Variants in DHRS12 observed in about 807,000 individuals in gnomAD.
DHRS12 encodes dehydrogenase/reductase SDR family member 12.
Under a neutral mutation model 32.1 loss-of-function variants are expected in DHRS12, and 29 were observed. That is an observed-to-expected ratio of 0.90 (90% CI 0.67 to 1.23). The LOEUF is 1.23. DHRS12 is among the 50% of genes most tolerant of loss of function. DHRS12 has a pLI of 0.00. For missense variants in DHRS12, 330 were observed against 337.2 expected, an observed-to-expected ratio of 0.98 and a Z score of 0.17; for synonymous variants, 150 against 135.9, an observed-to-expected ratio of 1.10 and a Z score of -0.72.
chr13:51,790,053 T>C lies in DHRS12; in HGVS notation c.259A>G (p.Thr87Ala). The change falls in exon 4 of 9, where the codon ACA (threonine) becomes GCA (alanine). Residue 87 changes from threonine (T) to alanine (A), a missense_variant. Thr to Ala is a moderately conservative substitution (Grantham distance 58, BLOSUM62 0). Transcript: ENST00000444610. ...AGCMVNKREL[T>A]EDGLEKNFAA... ...AAGTTTTTTTCAAGTCCATCTTCTG[T>C]GAGCTCTCTTTTATTGACCATGCAA... The C allele has an allele frequency of 6.2e-7, 1 of 1,604,756 alleles. No individual in the cohort carries two copies. The highest frequency in any genetic ancestry group is 8.5e-7 in the Non-Finnish European group (1 of 1,177,234).
intron 2 of DHRS12, among the ~76,000 whole-genome samples, chr13:51,794,285 G>A (rs1955412151): frequency 6.6e-6 from 1 of 152,168 alleles, no homozygotes; most frequent in Non-Finnish European, 1.5e-5. Context: ...CATCTATAGC[G>A]GCTGTGTGAC....
chr13:51,768,903 A>C (rs1051209126), intron 8 of DHRS12: 2 of 1,382,630 alleles, frequency 1.4e-6, no homozygotes, highest in African/African-American at 1.5e-5. Context: ...CCAAGGTAGG[A>C]ACTGCCTCTC....
downstream of DHRS12, chr13:51,764,328 C>G (rs1953680095): frequency 6.6e-6 from 1 of 152,366 alleles, no homozygotes; most frequent in South Asian, 2.1e-4. Flanking sequence ...TGCCACTAAC[C>G]CAGCAGGTGT....
the DHRS12 span, chr13:51,761,308 A>T: frequency 2.0e-5 from 3 of 152,184 alleles, no homozygotes; most frequent in Non-Finnish European, 4.4e-5. Flanking sequence ...GTGTGTAGTG[A>T]TTCAGCTCAG....
chr13:51,776,065 A>AT (rs1444323646), intron 5 of DHRS12: 23 of 95,550 alleles, frequency 2.4e-4, no homozygotes, highest in South Asian at 3.5e-4. Context: ...TGTATTCTAC[A>AT]GTATTCTCCT....
chr13:51,792,318 CTA>C (rs942239897), intron 2 of DHRS12, among the ~76,000 whole-genome samples: 1 of 152,072 alleles, frequency 6.6e-6, no homozygotes, highest in African/African-American at 2.4e-5. Flanking sequence ...ATATTTCACT[CTA>C]GTTTTGATTT....
chr13:51,790,725 C>T lies in DHRS12; in HGVS notation c.219+440G>A, dbSNP rs1955227735. On this transcript the variant is annotated intron_variant, in intron 3 of 8. Transcript: ENST00000444610. ...CTCCAAGTAGAGTATCTGGGAAGAGCACACTGGGACTCTTTCTATCTGAGT... is the reference window on the plus strand; with the variant it reads ...CTCCAAGTAGAGTATCTGGGAAGAGTACACTGGGACTCTTTCTATCTGAGT... Among the ~76,000 whole-genome samples, 4 of 152,094 alleles carry T rather than the reference C, an allele frequency of 2.6e-5. No individual in the cohort carries two copies. In the South Asian group the frequency reaches 8.3e-4, roughly 31 times the overall value.
chr13:51,799,122 C>T (rs1955637678), intron 2 of DHRS12, among the ~76,000 whole-genome samples: 2 of 152,214 alleles, frequency 1.3e-5, no homozygotes, highest in South Asian at 2.1e-4. Context: ...TTGCAGTGGA[C>T]TTTGAGGCTC....
Position 51,771,830 on chromosome 13 carries a change from CG to C in DHRS12, c.549del (p.Asp184ThrfsTer5). The stretch of plus-strand genomic sequence containing the variant: ...AAAGGCTATGACATACCTGGGGTGT[CG>C]GCCCAGCCAGGATGCATGGAAGAAA... ...IHFSSMHPGW[A>X]DTPGVRQAMP... is the part of the protein sequence containing the mutation. On this transcript the variant is annotated frameshift_variant, in exon 7 of 9. Coordinates refer to ENST00000444610, the MANE Select transcript of DHRS12 (RefSeq NM_001377533.1). LOFTEE classifies it high-confidence loss of function. 6.2e-7 allele frequency: 1 copy of C among 1,614,078 alleles called. No homozygotes were observed. Among genetic ancestry groups the C allele is most frequent in the Non-Finnish European group, 8.5e-7 (1 of 1,180,002 alleles).
intron 8 of DHRS12, chr13:51,768,817 G>A (rs541421881): frequency 1.6e-6 from 2 of 1,271,648 alleles, no homozygotes; most frequent in South Asian, 1.9e-5. Flanking sequence ...AGCAGAGTCC[G>A]TTACTCCCTT....
chr13:51,777,819 A>C (rs1954510607), intron 4 of DHRS12, among the ~76,000 whole-genome samples: 2 of 152,236 alleles, frequency 1.3e-5, no homozygotes, highest in African/African-American at 2.4e-5. Context: ...CTCATCTCTG[A>C]ATGGTGGGAT....
At chr13:51,788,404 T>C (rs1441266076) in intron 4 of DHRS12, among the ~76,000 whole-genome samples, 1 of 152,182 alleles carries the variant, frequency 6.6e-6, no homozygotes, top group East Asian at 1.9e-4. Flanking sequence ...TCCAGGTATA[T>C]TTGTTTTGAA....
intron 1 of DHRS12, among the ~76,000 whole-genome samples, chr13:51,800,033 T>C (rs1387686060): frequency 6.6e-6 from 1 of 152,130 alleles, no homozygotes; most frequent in African/African-American, 2.4e-5. Context: ...TAGGAGACCA[T>C]TTGCATTGTG....
At chr13:51,758,341 T>C in the DHRS12 span, 3 of 1,454,218 alleles carry the variant, frequency 2.1e-6, no homozygotes, top group South Asian at 1.2e-5. Flanking sequence ...ATCTTTGGCC[T>C]CATATAAATA....
At chr13:51,762,097 CTGTG>C in the DHRS12 span, 1 of 152,202 alleles carries the variant, frequency 6.6e-6, no homozygotes. Context: ...TAATATAGGA[CTGTG>C]TGTTGGAAAT....
the DHRS12 span, among the ~76,000 whole-genome samples, chr13:51,758,552 T>TAAAAAAAA: frequency 7.8e-6 from 1 of 127,722 alleles, no homozygotes; most frequent in African/African-American, 2.9e-5. Flanking sequence ...CCTCATCTCT[T>TAAAAAAAA]AAAAAAAAAA....
rs751442101 is a variant in DHRS12 at position 51,768,294 on chromosome 13, G to A, written c.700C>T (p.Arg234Trp). 13 of 1,535,750 alleles carry A rather than the reference G, an allele frequency of 8.5e-6. No individual in the cohort carries two copies. In the African/African-American group the frequency reaches 9.6e-5, roughly 11 times the overall value. ...AQPSGRFFQD[R>W]KPVSTHLPLA... ...GGCAAGTGTGTAGAAACTGGCTTCC[G>A]ATCTAAAAGTGAGAGGGAACCGCAG... The change falls in exon 9 of 9, where the codon CGG becomes TGG. Residue 234 changes from arginine to tryptophan, a missense_variant and splice_region_variant. Coordinates refer to ENST00000444610, the MANE Select transcript of DHRS12 (RefSeq NM_001377533.1).
rs1399801809 is a variant in DHRS12 at position 51,782,764 on chromosome 13, G to T, written c.302-5643C>A. Among the ~76,000 whole-genome samples, 1 of 152,150 alleles carries T rather than the reference G, an allele frequency of 6.6e-6. No homozygotes were observed. The highest frequency in any genetic ancestry group is 1.5e-5 in the Non-Finnish European group (1 of 68,022). ...GTACTGCAGGGAGAACCCGAGTATG[G>T]GCACTTGGGCCTCAGCTCATTAAAA... On this transcript the variant is annotated intron_variant, in intron 4 of 8. Transcript: ENST00000444610. The surrounding 1 kb of genome is among the most constrained non-coding windows in gnomAD (Gnocchi z 4.2).
chr13:51,791,582 G>A (rs920117310), intron 2 of DHRS12, among the ~76,000 whole-genome samples: 1 of 151,970 alleles, frequency 6.6e-6, no homozygotes, highest in African/African-American at 2.4e-5. Context: ...AGTTTTTGGT[G>A]GTAAAAACAG....
Sources: allele counts gnomAD v4.1 joint callset (sites outside exome capture counted in the v4.1 genomes callset), GRCh38; gene constraint gnomAD v4.1.1; non-coding constraint Gnocchi (gnomAD v3.1); transcripts MANE v1.5; gene names NCBI Gene and HGNC (gene_info 2026-07-23, HGNC 2026-07-21).